Variants in MGRN1 observed in about 807,000 individuals in gnomAD.
MGRN1 encodes mahogunin ring finger 1.
Under a neutral mutation model 69.2 loss-of-function variants are expected in MGRN1, and 29 were observed. The observed-to-expected ratio is 0.42, with a 90% CI of 0.31 to 0.57. The LOEUF (loss-of-function observed/expected upper bound fraction) is 0.57. Among genes scored for constraint, MGRN1 ranks in the 20% least tolerant of loss-of-function variants. The probability of loss-of-function intolerance (pLI) is 0.15; values close to 1 mark genes in which losing one functional copy is unlikely to be tolerated. For synonymous variants in MGRN1, 470 were observed against 344.2 expected (o/e 1.37, Z -4.04); for missense variants, 998 against 796.2 (o/e 1.25, Z -3.05).
In MGRN1 at chr16:4,682,861, A is replaced by T. The variant is rs2079219789; in HGVS notation, c.1397A>T (p.Asp466Val). The part of the protein sequence containing the change: ...RSPSSPIHEE[D>V]EEKLSEDVDA... The stretch of plus-strand genomic sequence containing the variant: ...CCGTCTTCCCCCATCCACGAAGAGG[A>T]TGAGGAGAAGCTCTCCGAGGACGTG... Residue 466 changes from aspartate to valine, a missense_variant, in exon 14 of 17, where the codon GAT (aspartate) becomes GTT (valine). Asp to Val is a radical substitution (Grantham distance 152, BLOSUM62 -3). Transcript: ENST00000262370. 6.2e-7 allele frequency: 1 copy of T among 1,608,128 alleles called. No homozygotes were observed. Among genetic ancestry groups the T allele is most frequent in the South Asian group, 1.1e-5 (1 of 90,792 alleles).
chr16:4,636,580 CTT>C (rs970695104), intron 1 of MGRN1, among the ~76,000 whole-genome samples: 3 of 152,058 alleles, frequency 2.0e-5, no homozygotes, highest in Admixed American at 1.3e-4. Context: ...AGATTTTAAA[CTT>C]TTAGGAGTGA....
chr16:4,672,181 G>C (rs888525107), intron 9 of MGRN1, among the ~76,000 whole-genome samples: 5 of 152,190 alleles, frequency 3.3e-5, no homozygotes, highest in Admixed American at 6.5e-5. Context: ...TGGGATTACA[G>C]GCGTGAACCA....
intron 10 of MGRN1, 40 bp from the exon 11 acceptor site, chr16:4,677,423 G>T: frequency 6.8e-7 from 1 of 1,474,166 alleles, no homozygotes; most frequent in Non-Finnish European, 9.0e-7. Context: ...GGGGCTGGGT[G>T]TGTCGCCTGG....
intron 1 of MGRN1, among the ~76,000 whole-genome samples, chr16:4,631,737 T>C (rs1369790497): frequency 6.6e-6 from 1 of 152,234 alleles, no homozygotes; most frequent in Non-Finnish European, 1.5e-5. Flanking sequence ...ATATACATTT[T>C]ATAATTAGCC....
intron 15 of MGRN1, 64 bp downstream of exon 15, chr16:4,683,333 G>C (rs1596318590): frequency 8.2e-6 from 13 of 1,577,412 alleles, no homozygotes; most frequent in South Asian, 3.3e-5. Context: ...GCTTACTGGG[G>C]CCTTAGGGCT....
At chr16:4,651,687 C>T (rs1596281224) in intron 2 of MGRN1, among the ~76,000 whole-genome samples, 2 of 152,016 alleles carry the variant, frequency 1.3e-5, no homozygotes, top group East Asian at 3.9e-4. Context: ...CCTGGGAGAG[C>T]AGGTTGGGGA....
At chr16:4,652,649 G>T in intron 3 of MGRN1, 29 bp from the exon 4 acceptor site, 1 of 1,588,622 alleles carries the variant, frequency 6.3e-7, no homozygotes, top group Non-Finnish European at 8.6e-7. Context: ...CCGCTGACCC[G>T]CTGCCTTTCT....
At position 4,673,445 on chromosome 16, in the gene MGRN1, G is replaced by C. The variant is rs528505909; in HGVS notation, c.796-53G>C. On this transcript the variant is annotated intron_variant, in intron 9 of 16. Transcript: ENST00000262370. ...GGACAGCTGGGGACAGGAAGCAGGA[G>C]CCGTACTCTGGCCTTTGGGAGGCTG... is the stretch of plus-strand genomic sequence containing the variant. 4.4e-6 allele frequency: 7 copies of C among 1,587,542 alleles called. No individual in the cohort carries two copies. The South Asian group carries it at 7.9e-5, about 18-fold the overall frequency.
chr16:4,655,443 T>G (rs1247426395), intron 4 of MGRN1, among the ~76,000 whole-genome samples: 2 of 151,450 alleles, frequency 1.3e-5, no homozygotes, highest in Non-Finnish European at 3.0e-5. Flanking sequence ...AAGGCCAGCT[T>G]CCCCTCCCAG....
In MGRN1 at chr16:4,657,185, G is replaced by A; in HGVS notation, c.444-61G>A. 3 of 1,493,994 alleles carry A rather than the reference G, an allele frequency of 2.0e-6. No individual in the cohort carries two copies. The East Asian group carries it at 6.8e-5, about 34-fold the overall frequency. The allele number at this position is 1,493,994 out of a possible 1,614,324, so 92.5% of individuals were successfully genotyped here. Reference sequence around the variant, plus strand: ...CCCTTCCAGCTGTCGGAGTGGGAGGGACGGGCACGGAGGGCCCTCTTCCTG... The same window carrying A: ...CCCTTCCAGCTGTCGGAGTGGGAGGAACGGGCACGGAGGGCCCTCTTCCTG... On this transcript the variant is annotated intron_variant, in intron 4 of 16. Coordinates refer to ENST00000262370, the MANE Select transcript of MGRN1 (RefSeq NM_015246.4).
At chr16:4,667,767 A>G (rs1331487632) in intron 7 of MGRN1, among the ~76,000 whole-genome samples, 1 of 152,036 alleles carries the variant, frequency 6.6e-6, no homozygotes, top group East Asian at 1.9e-4. Context: ...TGCTTGTTCT[A>G]TTTCGTTCCT....
chr16:4,657,367 A>G lies in MGRN1; in HGVS notation c.561+4A>G. 1 of 1,613,348 alleles carries G rather than the reference A, an allele frequency of 6.2e-7. No individual in the cohort carries two copies. Among genetic ancestry groups the G allele is most frequent in the Non-Finnish European group, 8.5e-7 (1 of 1,179,318 alleles). ...CTCGGAATGGAAGGATGACGAGGTA[A>G]TGCTGGCTGGGCGGCTCCTTGCCCT... On this transcript the variant is annotated splice_donor_region_variant and intron_variant, in intron 5 of 16. Transcript: ENST00000262370.
chr16:4,684,153 C>G (rs1007730593), intron 16 of MGRN1, among the ~76,000 whole-genome samples: 3 of 152,380 alleles, frequency 2.0e-5, no homozygotes, highest in African/African-American at 7.2e-5. Context: ...CTCTTGGGAG[C>G]GGAACCTGCA....
At chr16:4,686,103 C>T (rs1567243862) in intron 16 of MGRN1, among the ~76,000 whole-genome samples, 1 of 152,192 alleles carries the variant, frequency 6.6e-6, no homozygotes, top group Admixed American at 6.5e-5. Context: ...TGCCTCCCAG[C>T]TGTGGTTCTC....
intron 5 of MGRN1, among the ~76,000 whole-genome samples, chr16:4,658,381 A>G (rs1428825173): frequency 6.6e-6 from 1 of 151,762 alleles, no homozygotes; most frequent in Non-Finnish European, 1.5e-5. Context: ...TAAAAATACA[A>G]AAAAATTACC....
chr16:4,631,530 T>C (rs1300858267), intron 1 of MGRN1, among the ~76,000 whole-genome samples: 2 of 152,156 alleles, frequency 1.3e-5, no homozygotes, highest in African/African-American at 4.8e-5. Context: ...CACAGGACAG[T>C]CCCCCACAAT....
At chr16:4,649,384 G>A (rs1177533707) in intron 1 of MGRN1, 6 of 152,258 alleles carry the variant, frequency 3.9e-5, no homozygotes, top group Non-Finnish European at 8.8e-5. Context: ...GCACACGTCA[G>A]AAACCGAGGT....
intron 5 of MGRN1, chr16:4,664,056 G>A (rs1443332751): frequency 6.6e-6 from 1 of 152,624 alleles, no homozygotes; most frequent in African/African-American, 2.4e-5. Context: ...CTGAAAACGC[G>A]GTTCAGGCAG....
chr16:4,643,959 A>G (rs966893540), intron 1 of MGRN1, among the ~76,000 whole-genome samples: 24 of 149,936 alleles, frequency 1.6e-4, no homozygotes, highest in Non-Finnish European at 3.1e-4. Context: ...TTCAGCCTCA[A>G]TGCTAGTTTT....
Sources: gnomAD v4.1 joint callset for allele counts (sites outside exome capture counted in the v4.1 genomes callset) on GRCh38, gnomAD v4.1.1 for gene constraint, MANE v1.5 for transcripts, NCBI Gene and HGNC (gene_info 2026-07-23, HGNC 2026-07-21) for gene names.